Variants in RASAL2 observed in about 807,000 individuals in gnomAD.
RASAL2 encodes ras GTPase-activating protein nGAP.
A neutral mutation model predicts 128.9 loss-of-function variants in RASAL2; 58 were observed. That is an observed-to-expected ratio of 0.45 (90% CI 0.36 to 0.56). The LOEUF (loss-of-function observed/expected upper bound fraction) is 0.56, where lower values mean the gene tolerates loss of function less well. RASAL2 is among the 20% of genes least tolerant of loss of function. The probability of loss-of-function intolerance (pLI) is 0.00; values close to 1 mark genes in which losing one functional copy is unlikely to be tolerated. For synonymous variants in RASAL2, 561 were observed against 580.8 expected (o/e 0.97, Z 0.49); for missense variants, 1,360 against 1,601.6 (o/e 0.85, Z 2.57).
At chr1:178,133,485 CTTTTTTT>C (rs928071975) in intron 1 of RASAL2, among the ~76,000 whole-genome samples, 1 of 137,058 alleles carries the variant, frequency 7.3e-6, no homozygotes, top group Non-Finnish European at 1.6e-5. Flanking sequence ...CCTGTTACTT[CTTTTTTT>C]TTTTTTTTTA....
intron 5 of RASAL2, among the ~76,000 whole-genome samples, chr1:178,433,876 C>T (rs1676085236): frequency 6.7e-6 from 1 of 148,652 alleles, no homozygotes; most frequent in Non-Finnish European, 1.5e-5. Context: ...GAGATTGCAC[C>T]ACTGCACTCC....
chr1:178,281,521 G>A (rs1666782798), intron 1 of RASAL2, among the ~76,000 whole-genome samples: 1 of 152,096 alleles, frequency 6.6e-6, no homozygotes, highest in Non-Finnish European at 1.5e-5. Flanking sequence ...GGAAACCTGG[G>A]TTGTGCTATT....
rs1239960379 is a variant in RASAL2, at chr1:178,300,067, C to T, written c.406C>T (p.Pro136Ser). The T allele has an allele frequency of 2.5e-6, 4 of 1,613,794 alleles. No homozygotes were observed. The highest frequency in any genetic ancestry group is 3.4e-6 in the Non-Finnish European group (4 of 1,179,934). ...ATGCCTGAGGAGAACTGTCAGTGTCCCTTCCGAGGGTCAGTTTCCCGAGTA... is the reference window on the plus strand; with the variant it reads ...ATGCCTGAGGAGAACTGTCAGTGTCTCTTCCGAGGGTCAGTTTCCCGAGTA... ...GRCLRRTVSV[P>S]SEGQFPEYPP... Residue 136 changes from proline (P) to serine (S), a missense_variant, in exon 3 of 18, where the codon CCT becomes TCT. Pro to Ser is a moderately conservative substitution (Grantham distance 74, BLOSUM62 -1). Coordinates refer to ENST00000367649, the MANE Select transcript of RASAL2 (RefSeq NM_170692.4).
At chr1:178,295,332 G>A (rs1667444852) in intron 2 of RASAL2, among the ~76,000 whole-genome samples, 1 of 151,566 alleles carries the variant, frequency 6.6e-6, no homozygotes, top group African/African-American at 2.4e-5. Context: ...GTGGTTTGCT[G>A]CACCTATTGA....
chr1:178,103,111 TC>T (rs1210312010), intron 1 of RASAL2, among the ~76,000 whole-genome samples: 1 of 152,164 alleles, frequency 6.6e-6, no homozygotes, highest in Non-Finnish European at 1.5e-5. Context: ...TATGCATTTT[TC>T]TCTATTTTTA....
intron 1 of RASAL2, among the ~76,000 whole-genome samples, chr1:178,131,305 C>G (rs1208387499): frequency 2.7e-5 from 4 of 149,674 alleles, no homozygotes; most frequent in Non-Finnish European, 5.9e-5. Context: ...CTCCCAGGCT[C>G]AAGTGATCCT....
chr1:178,352,076 CT>C (rs1268047032), intron 3 of RASAL2, among the ~76,000 whole-genome samples: 1 of 152,160 alleles, frequency 6.6e-6, no homozygotes, highest in Admixed American at 6.5e-5. Context: ...TCAAAGGAAT[CT>C]TTGGCCAACA....
intron 1 of RASAL2, among the ~76,000 whole-genome samples, chr1:178,145,509 G>A (rs6701497): frequency 7.1e-6 from 1 of 140,546 alleles, no homozygotes; most frequent in Non-Finnish European, 1.5e-5. Flanking sequence ...CCTTTTTTCC[G>A]TTGCTCTGAG....
At chr1:178,359,005 G>A (rs374451221) in intron 3 of RASAL2, among the ~76,000 whole-genome samples, 9 of 152,000 alleles carry the variant, frequency 5.9e-5, no homozygotes, top group African/African-American at 9.6e-5. Flanking sequence ...GCAAAAATAT[G>A]GAGAGATATG....
At chr1:178,256,443 A>G (rs1296115589) in intron 1 of RASAL2, among the ~76,000 whole-genome samples, 1 of 152,180 alleles carries the variant, frequency 6.6e-6, no homozygotes, top group Non-Finnish European at 1.5e-5. Flanking sequence ...AAAGATAAGG[A>G]TGTTTGCTCT....
chr1:178,438,119 TG>T, intron 5 of RASAL2, among the ~76,000 whole-genome samples: 1 of 150,868 alleles, frequency 6.6e-6, no homozygotes, highest in South Asian at 2.1e-4. Context: ...TGTGTGTGTG[TG>T]TGTGTGTGTG....
At chr1:178,283,095 A>G (rs1013736121) in intron 1 of RASAL2, among the ~76,000 whole-genome samples, 4 of 152,144 alleles carry the variant, frequency 2.6e-5, no homozygotes, top group East Asian at 1.9e-4. Flanking sequence ...AACATTGTCA[A>G]TTCCTGTGAG....
intron 5 of RASAL2, among the ~76,000 whole-genome samples, chr1:178,427,898 A>G (rs936149037): frequency 3.9e-5 from 6 of 152,108 alleles, no homozygotes; most frequent in African/African-American, 1.2e-4. Context: ...AGAACTCCCT[A>G]TGCTACCCCT....
At chr1:178,136,451 CT>C (rs1558073922) in intron 1 of RASAL2, among the ~76,000 whole-genome samples, 1 of 152,016 alleles carries the variant, frequency 6.6e-6, no homozygotes, top group East Asian at 1.9e-4. Flanking sequence ...CTTAGATACT[CT>C]ATTTTTTCCC....
Position 178,120,147 on chromosome 1 carries a change from G to A in RASAL2, c.202+25453G>A, listed in dbSNP as rs188173548. Among the ~76,000 whole-genome samples the A allele has an allele frequency of 2.2e-4, 33 of 152,320 alleles. No individual in the cohort carries two copies. The East Asian group carries it at 5.0e-3, about 23-fold the overall frequency. On this transcript the variant is annotated intron_variant, in intron 1 of 17. Coordinates refer to ENST00000367649, the MANE Select transcript of RASAL2 (RefSeq NM_170692.4). ...GGGCGCTTGGTCTCCATGTGGCGAA[G>A]CAGTGTTGAAGGTTTGATGGCTTCG...
chr1:178,351,336 C>G (rs1370111236), intron 3 of RASAL2, among the ~76,000 whole-genome samples: 1 of 152,204 alleles, frequency 6.6e-6, no homozygotes, highest in East Asian at 1.9e-4. Flanking sequence ...GAAGTCTTGA[C>G]TCATTCCAGT....
At chr1:178,105,603 A>C (rs1474364430) in intron 1 of RASAL2, among the ~76,000 whole-genome samples, 2 of 152,166 alleles carry the variant, frequency 1.3e-5, no homozygotes, top group African/African-American at 4.8e-5. Context: ...GATATGATAC[A>C]GTGGGAAAGT....
intron 1 of RASAL2, among the ~76,000 whole-genome samples, chr1:178,146,158 C>G (rs908418025): frequency 1.3e-5 from 2 of 152,102 alleles, no homozygotes; most frequent in African/African-American, 4.8e-5. Context: ...TTTATAAATT[C>G]CTGTTGGAAA....
intron 3 of RASAL2, among the ~76,000 whole-genome samples, chr1:178,338,664 G>A (rs764234972): frequency 3.3e-5 from 5 of 152,056 alleles, no homozygotes; most frequent in Admixed American, 2.6e-4. Flanking sequence ...TGTAGCCTCC[G>A]GGAGTTTACT....
Sources: allele counts gnomAD v4.1 joint callset (sites outside exome capture counted in the v4.1 genomes callset), GRCh38; gene constraint gnomAD v4.1.1; transcripts MANE v1.5; gene names NCBI Gene and HGNC (gene_info 2026-07-23, HGNC 2026-07-21).